The following SCN3A variants were observed in gnomAD, a reference collection of about 807,000 sequenced individuals.
SCN3A encodes the protein sodium voltage-gated channel alpha subunit 3.
SCN3A carries 60 observed loss-of-function variants against 187.6 expected under a neutral mutation model. That is an observed-to-expected ratio of 0.32 (90% CI 0.26 to 0.40). SCN3A has a LOEUF of 0.40. Ranked by LOEUF, SCN3A falls within the 10% of genes least tolerant of loss-of-function variation. The pLI is 1.00. For missense variants in SCN3A, 1,601 were observed against 2,428.2 expected, an observed-to-expected ratio of 0.66 and a Z score of 7.16; for synonymous variants, 788 against 829.2, an observed-to-expected ratio of 0.95 and a Z score of 0.85.
chr2:165,098,865 T>C (rs1296938213), intron 22 of SCN3A, among the ~76,000 whole-genome samples: 2 of 152,244 alleles, frequency 1.3e-5, no homozygotes, highest in East Asian at 1.9e-4. Context: ...GCTCAGTTGC[T>C]ATCTCCCCTC....
At chr2:165,108,402 G>A (rs1020301021) in intron 21 of SCN3A, among the ~76,000 whole-genome samples, 6 of 152,048 alleles carry the variant, frequency 3.9e-5, no homozygotes, top group African/African-American at 9.7e-5. Flanking sequence ...CAGCTTATGG[G>A]ATTCTAAGGA....
Position 165,147,295 on chromosome 2 carries a change from G to T in SCN3A, c.1381-266C>A, listed in dbSNP as rs532530824. The stretch of plus-strand genomic sequence containing the variant: ...ATTGTCTTTTTTTTGGGGGGGGGGG[G>T]TTGGTGACAACTGTTCTCTTCAAAG... On this transcript the variant is annotated intron_variant, in intron 11 of 27. Transcript: ENST00000283254. Among the ~76,000 whole-genome samples the T allele has an allele frequency of 1.3e-3, 108 of 85,264 alleles. No individual in the cohort carries two copies. The East Asian group carries it at 0.042, about 33-fold the overall frequency. 55.9% of individuals were successfully genotyped at this position (85,264 alleles called of 152,430 possible).
At chr2:165,125,374 G>A (rs933488183) in intron 18 of SCN3A, among the ~76,000 whole-genome samples, 5 of 151,512 alleles carry the variant, frequency 3.3e-5, no homozygotes, top group Admixed American at 6.6e-5. Flanking sequence ...CGCAATCTCC[G>A]CTCACTGCAA....
chr2:165,166,724 T>C (rs1689782411), intron 5 of SCN3A, among the ~76,000 whole-genome samples: 1 of 152,170 alleles, frequency 6.6e-6, no homozygotes, highest in Non-Finnish European at 1.5e-5. Flanking sequence ...TTTGCTTTTT[T>C]CCTGCTGGCT....
rs777616660 is a variant in SCN3A at position 165,146,907 on chromosome 2, G to C, written c.1503C>G (p.Asn501Lys). The C allele has an allele frequency of 3.7e-6, 6 of 1,613,738 alleles. No individual in the cohort carries two copies. Among genetic ancestry groups the C allele is most frequent in the Admixed American group, 1.7e-5 (1 of 59,946 alleles). Residue 501 changes from asparagine to lysine, a missense_variant, in exon 12 of 28, where the codon AAC becomes AAG. Asn to Lys is a moderately conservative substitution (Grantham distance 94, BLOSUM62 0). This residue lies in a region of SCN3A where 376 missense variants were observed against 476.0 expected (regional missense o/e 0.79). Coordinates refer to ENST00000283254, the MANE Select transcript of SCN3A (RefSeq NM_006922.4). ...LSSKSAKEWR[N>K]RRKKRRQREH... ...CTCTCTGTCTTCTTTTCTTCCTTCG[G>C]TTCCTCCATTCTTTAGCACTTTTGG...
chr2:165,102,520 T>TAA (rs571998698), intron 21 of SCN3A, among the ~76,000 whole-genome samples: 2 of 145,754 alleles, frequency 1.4e-5, no homozygotes, highest in South Asian at 2.2e-4. Context: ...CTTTTCTCTT[T>TAA]AAAAAAAAAA....
rs765486457 is a variant in SCN3A, at chr2:165,131,317, A to C, written c.2492T>G (p.Ile831Ser). 1 of 1,608,468 alleles carries C rather than the reference A, an allele frequency of 6.2e-7. No individual in the cohort carries two copies. ...AAGCTCCATTAAACTGAGGCTGACA[A>C]TAATTCCATCAAAGATATTCCAGCC... ...QEGWNIFDGI[I>S]VSLSLMELGL... is the part of the protein sequence containing the mutation. The change falls in exon 16 of 28, where the codon ATT (isoleucine) becomes AGT (serine). Residue 831 changes from isoleucine to serine, a missense_variant. Coordinates refer to ENST00000283254, the MANE Select transcript of SCN3A (RefSeq NM_006922.4).
intron 26 of SCN3A, 27 bp downstream of exon 26, chr2:165,094,344 GGAA>G: frequency 6.7e-7 from 1 of 1,501,456 alleles, no homozygotes; most frequent in Non-Finnish European, 9.3e-7. Context: ...GCATGGCTTT[GGAA>G]CATTAAAGGA....
intron 23 of SCN3A, among the ~76,000 whole-genome samples, chr2:165,097,011 A>G (rs1685391160): frequency 6.6e-6 from 1 of 152,236 alleles, no homozygotes; most frequent in Admixed American, 6.5e-5. Context: ...AATATAACAA[A>G]AAAGAAAGCA....
intron 12 of SCN3A, among the ~76,000 whole-genome samples, chr2:165,146,445 T>C (rs1688337304): frequency 7.1e-6 from 1 of 141,386 alleles, no homozygotes; most frequent in Non-Finnish European, 1.5e-5. Context: ...CACACATATA[T>C]ATATACAGGT....
At chr2:165,150,230 C>A (rs1237272516) in intron 11 of SCN3A, among the ~76,000 whole-genome samples, 1 of 152,300 alleles carries the variant, frequency 6.6e-6, no homozygotes, top group South Asian at 2.1e-4. Flanking sequence ...TACACCGTGA[C>A]TAGCCCTAGG....
At chr2:165,118,849 G>A (rs1451213186) in intron 18 of SCN3A, among the ~76,000 whole-genome samples, 2 of 152,128 alleles carry the variant, frequency 1.3e-5, no homozygotes, top group South Asian at 2.1e-4. Flanking sequence ...TGCAAGCTCC[G>A]CTTCCTGGGT....
chr2:165,123,114 A>T (rs1459481899), intron 18 of SCN3A, among the ~76,000 whole-genome samples: 1 of 152,108 alleles, frequency 6.6e-6, no homozygotes, highest in Non-Finnish European at 1.5e-5. Context: ...AAAAAATATA[A>T]AAACAAACAA....
At chr2:165,148,214 T>A (rs561176350) in intron 11 of SCN3A, among the ~76,000 whole-genome samples, 1 of 24,814 alleles carries the variant, frequency 4.0e-5, no homozygotes, top group Non-Finnish European at 7.9e-5. Context: ...GGGGTGGGGG[T>A]GGGGGAAGAA....
rs756781590 is a variant in SCN3A, at chr2:165,115,614, C to T, written c.3394-39G>A. The stretch of plus-strand genomic sequence containing the variant: ...CCCATTTCAAAGATGTGATTTTCCC[C>T]CTTTTATTTAACTAACTGGGAAATA... On this transcript the variant is annotated intron_variant, in intron 18 of 27. Transcript: ENST00000283254. The T allele has an allele frequency of 4.4e-6, 7 of 1,605,994 alleles. No homozygotes were observed. In the Admixed American group the frequency reaches 6.7e-5, roughly 15 times the overall value.
At chr2:165,162,210 A>G (rs1166273440) in intron 9 of SCN3A, 98 bp downstream of exon 9, 2 of 1,120,564 alleles carry the variant, frequency 1.8e-6, no homozygotes, top group East Asian at 4.8e-5. Flanking sequence ...TATTGCATAC[A>G]TGGTAAGGCT....
intron 18 of SCN3A, among the ~76,000 whole-genome samples, chr2:165,127,427 A>G (rs1248329690): frequency 6.6e-6 from 1 of 152,206 alleles, no homozygotes; most frequent in East Asian, 1.9e-4. Flanking sequence ...AAGACTCAGA[A>G]TGGTTTAATT....
chr2:165,114,200 A>T (rs1356007411), intron 19 of SCN3A, among the ~76,000 whole-genome samples: 5 of 152,146 alleles, frequency 3.3e-5, no homozygotes. Flanking sequence ...AGATTTGCTT[A>T]AGTAACAATG....
chr2:165,128,146 C>T (rs780447560), intron 17 of SCN3A, 45 bp from the exon 18 acceptor site: 3 of 1,418,186 alleles, frequency 2.1e-6, no homozygotes, highest in Non-Finnish European at 9.6e-7. Context: ...TTGAAATATG[C>T]ATTTAAATAA....
Sources: allele counts gnomAD v4.1 joint callset (sites outside exome capture counted in the v4.1 genomes callset), GRCh38; gene constraint gnomAD v4.1.1; regional missense constraint gnomAD v4.1.1; transcripts MANE v1.5; gene names NCBI Gene and HGNC (gene_info 2026-07-23, HGNC 2026-07-21).